Variants in HSD17B12 observed in about 807,000 individuals in gnomAD.
HSD17B12 encodes very-long-chain 3-oxoacyl-CoA reductase.
A neutral mutation model predicts 39.3 loss-of-function variants in HSD17B12; 32 were observed. That is an observed-to-expected ratio of 0.81 (90% CI 0.61 to 1.09). The LOEUF is 1.09. Ranked by LOEUF, HSD17B12 falls within the 50% of genes least tolerant of loss-of-function variation. HSD17B12 has a pLI of 0.00. For missense variants in HSD17B12, 342 were observed against 382.9 expected, an observed-to-expected ratio of 0.89 and a Z score of 0.89; for synonymous variants, 150 against 146.7, an observed-to-expected ratio of 1.02 and a Z score of -0.16.
intron 1 of HSD17B12, among the ~76,000 whole-genome samples, chr11:43,727,197 G>T (rs1489017627): frequency 6.6e-6 from 1 of 152,204 alleles, no homozygotes; most frequent in African/African-American, 2.4e-5. Context: ...GCTGAATGTG[G>T]TCTTGCTGGT....
chr11:43,780,976 G>T (rs1285130147), intron 3 of HSD17B12, among the ~76,000 whole-genome samples: 1 of 152,012 alleles, frequency 6.6e-6, no homozygotes, highest in East Asian at 1.9e-4. Context: ...CAGAATCTGG[G>T]GCATATGTGC....
At chr11:43,775,222 A>C (rs1950688212) in intron 3 of HSD17B12, among the ~76,000 whole-genome samples, 1 of 152,206 alleles carries the variant, frequency 6.6e-6, no homozygotes, top group Admixed American at 6.5e-5. Flanking sequence ...CTTAGATGAA[A>C]TCCTAGCCTG....
chr11:43,735,466 G>A (rs1283731132), intron 1 of HSD17B12, among the ~76,000 whole-genome samples: 2 of 152,156 alleles, frequency 1.3e-5, no homozygotes, highest in African/African-American at 2.4e-5. Flanking sequence ...TCAACCTAGT[G>A]TGTCACTGTA....
intron 1 of HSD17B12, among the ~76,000 whole-genome samples, chr11:43,725,072 C>T (rs1450467294): frequency 6.6e-6 from 1 of 152,040 alleles, no homozygotes; most frequent in Non-Finnish European, 1.5e-5. Context: ...GGATTTCTGA[C>T]TTGTGGAGCT....
chr11:43,791,531 CA>C (rs1255094996), intron 3 of HSD17B12, among the ~76,000 whole-genome samples: 191 of 131,282 alleles, frequency 1.5e-3, no homozygotes, highest in Middle Eastern at 4.1e-3. Flanking sequence ...GACTCTGTCT[CA>C]AAAAAAAAAA....
intron 9 of HSD17B12, among the ~76,000 whole-genome samples, chr11:43,840,660 T>C (rs1951416970): frequency 6.6e-6 from 1 of 152,202 alleles, no homozygotes; most frequent in Non-Finnish European, 1.5e-5. Context: ...TTATTTCACT[T>C]AGCATGTCTT....
At chr11:43,806,207 G>A (rs189938779) in intron 4 of HSD17B12, 2 of 152,184 alleles carry the variant, frequency 1.3e-5, no homozygotes, top group African/African-American at 4.8e-5. Context: ...TGGCCATGTG[G>A]TTTAACTTGA....
chr11:43,752,333 A>G (rs902182157), intron 2 of HSD17B12, among the ~76,000 whole-genome samples: 1 of 152,168 alleles, frequency 6.6e-6, no homozygotes, highest in Non-Finnish European at 1.5e-5. Flanking sequence ...GTATAAATAT[A>G]TTATTTCCCA....
Position 43,815,457 on chromosome 11 carries a change from T to A in HSD17B12, c.412T>A (p.Tyr138Asn). ...GILVNNVGMSYEYPEYFLDVP... is the reference protein window; with the variant it reads ...GILVNNVGMSNEYPEYFLDVP... ...TTCAGTGAACAACGTGGGAATGTCG[T>A]ATGAGTATCCTGAATACTTTTTGGA... is the stretch of plus-strand genomic sequence containing the variant. The change falls in exon 5 of 11, where the codon TAT (tyrosine) becomes AAT (asparagine). Residue 138 changes from tyrosine to asparagine, a missense_variant. Transcript: ENST00000278353. 4 of 1,578,344 alleles carry A rather than the reference T, an allele frequency of 2.5e-6. No individual in the cohort carries two copies. The highest frequency in any genetic ancestry group is 3.5e-6 in the Non-Finnish European group (4 of 1,154,698).
intron 8 of HSD17B12, 106 bp from the exon 9 acceptor site, chr11:43,839,893 A>G: frequency 1.1e-6 from 1 of 929,694 alleles, no homozygotes; most frequent in Non-Finnish European, 1.7e-6. Context: ...AAATGATGAG[A>G]AATTATAGCA....
upstream of HSD17B12, among the ~76,000 whole-genome samples, chr11:43,677,235 A>C (rs767740478): frequency 3.3e-5 from 5 of 152,182 alleles, no homozygotes; most frequent in Non-Finnish European, 5.9e-5. Context: ...CTATGAAGTT[A>C]GCTGCAAGGT....
intron 1 of HSD17B12, among the ~76,000 whole-genome samples, chr11:43,748,717 A>C (rs1024845114): frequency 1.3e-5 from 2 of 152,258 alleles, no homozygotes; most frequent in Non-Finnish European, 2.9e-5. Context: ...ACAAACATTT[A>C]AATCTGTTAG....
intron 3 of HSD17B12, among the ~76,000 whole-genome samples, chr11:43,787,361 G>T (rs577832656): frequency 9.9e-5 from 15 of 152,274 alleles, no homozygotes; most frequent in African/African-American, 3.6e-4. Flanking sequence ...AAGAGAGGCT[G>T]TTTTCTGTGT....
At chr11:43,736,115 A>G (rs1290780465) in intron 1 of HSD17B12, among the ~76,000 whole-genome samples, 1 of 152,224 alleles carries the variant, frequency 6.6e-6, no homozygotes, top group Non-Finnish European at 1.5e-5. Flanking sequence ...AGGATGTGGC[A>G]TTAACCAAAA....
the HSD17B12 span, among the ~76,000 whole-genome samples, chr11:43,653,626 C>A: frequency 6.6e-6 from 1 of 152,064 alleles, no homozygotes; most frequent in Non-Finnish European, 1.5e-5. Flanking sequence ...GTTCTATTCC[C>A]ACCTATGAGT....
At chr11:43,823,701 G>T (rs1951204626) in intron 6 of HSD17B12, among the ~76,000 whole-genome samples, 1 of 152,012 alleles carries the variant, frequency 6.6e-6, no homozygotes, top group South Asian at 2.1e-4. Flanking sequence ...TACGTAAGGT[G>T]CACAACACAT....
the HSD17B12 span, among the ~76,000 whole-genome samples, chr11:43,574,795 A>C: frequency 4.6e-5 from 7 of 152,226 alleles, no homozygotes; most frequent in African/African-American, 1.7e-4. Context: ...AGAGGGAGAA[A>C]GGGTAAACGT....
the HSD17B12 span, among the ~76,000 whole-genome samples, chr11:43,573,842 T>C: frequency 6.6e-6 from 1 of 152,222 alleles, no homozygotes; most frequent in African/African-American, 2.4e-5. Context: ...TTTAAAAACA[T>C]GTTTAGCCTG....
chr11:43,599,543 A>C, the HSD17B12 span, among the ~76,000 whole-genome samples: 1 of 152,142 alleles, frequency 6.6e-6, no homozygotes, highest in Non-Finnish European at 1.5e-5. Flanking sequence ...AGTACCCATT[A>C]GTTATTTTTC....
Sources: allele counts gnomAD v4.1 joint callset (sites outside exome capture counted in the v4.1 genomes callset), GRCh38; gene constraint gnomAD v4.1.1; transcripts MANE v1.5; gene names NCBI Gene and HGNC (gene_info 2026-07-23, HGNC 2026-07-21).